The following PTPRT variants were observed in gnomAD, a reference collection of about 807,000 sequenced individuals.
PTPRT encodes the protein protein tyrosine phosphatase receptor type T, also known as receptor-type tyrosine-protein phosphatase T.
A neutral mutation model predicts 176.8 loss-of-function variants in PTPRT; 56 were observed. The observed-to-expected ratio is 0.32, with a 90% confidence interval of 0.26 to 0.40. The LOEUF (loss-of-function observed/expected upper bound fraction) is 0.40. Among genes scored for constraint, PTPRT ranks in the 10% least tolerant of loss-of-function variants. The pLI is 1.00. For synonymous variants in PTPRT, 783 were observed against 739.0 expected, an observed-to-expected ratio of 1.06 and a Z score of -0.96; for missense variants, 1,540 against 1,908.2, an observed-to-expected ratio of 0.81 and a Z score of 3.60.
At chr20:42,353,610 C>T (rs774394641) in intron 9 of PTPRT, among the ~76,000 whole-genome samples, 2 of 152,194 alleles carry the variant, frequency 1.3e-5, no homozygotes, top group African/African-American at 2.4e-5. Flanking sequence ...TCAACTTCTG[C>T]ACTTGCCCAA....
intron 1 of PTPRT, among the ~76,000 whole-genome samples, chr20:42,956,169 A>G (rs1981621090): frequency 6.6e-6 from 1 of 152,138 alleles, no homozygotes; most frequent in Non-Finnish European, 1.5e-5. Flanking sequence ...GGTTTTTCCA[A>G]GCATTGTCTG....
At chr20:42,528,875 C>T (rs1469942860) in intron 7 of PTPRT, among the ~76,000 whole-genome samples, 3 of 152,202 alleles carry the variant, frequency 2.0e-5, no homozygotes, top group Non-Finnish European at 4.4e-5. Context: ...GGGATAGTTT[C>T]ATTTTTAAAA....
At chr20:42,828,236 G>T (rs1470599418) in intron 2 of PTPRT, among the ~76,000 whole-genome samples, 1 of 152,186 alleles carries the variant, frequency 6.6e-6, no homozygotes, top group Non-Finnish European at 1.5e-5. Context: ...CGTGACTTTT[G>T]TTATGCTTTA....
intron 7 of PTPRT, among the ~76,000 whole-genome samples, chr20:42,553,967 G>C (rs199506059): frequency 6.6e-6 from 1 of 152,106 alleles, no homozygotes; most frequent in East Asian, 1.9e-4. Context: ...TTCTGGCAGG[G>C]ACAGCAGAGT....
chr20:42,885,395 T>G (rs2079086248), intron 2 of PTPRT, among the ~76,000 whole-genome samples: 2 of 149,222 alleles, frequency 1.3e-5, no homozygotes, highest in South Asian at 4.2e-4. Flanking sequence ...AATAATATAA[T>G]TAATATAACC....
At chr20:42,713,953 C>A (rs375919765) in intron 6 of PTPRT, among the ~76,000 whole-genome samples, 24 of 152,302 alleles carry the variant, frequency 1.6e-4, no homozygotes, top group African/African-American at 5.8e-4. Flanking sequence ...TCCTGTATAA[C>A]CTGCAGAACC....
At chr20:43,073,801 G>A (rs1328186408) in intron 1 of PTPRT, among the ~76,000 whole-genome samples, 1 of 151,978 alleles carries the variant, frequency 6.6e-6, no homozygotes, top group African/African-American at 2.4e-5. Context: ...TGCCTACGCT[G>A]GAGTGCATGG....
intron 7 of PTPRT, among the ~76,000 whole-genome samples, chr20:42,543,594 C>T (rs1007904036): frequency 6.6e-6 from 1 of 151,948 alleles, no homozygotes; most frequent in African/African-American, 2.4e-5. Flanking sequence ...AATATCTTGA[C>T]ATTCTCATGA....
chr20:42,196,788 G>A (rs1991234443), intron 16 of PTPRT, among the ~76,000 whole-genome samples: 1 of 152,258 alleles, frequency 6.6e-6, no homozygotes, highest in Admixed American at 6.5e-5. Flanking sequence ...TAGGCAAACC[G>A]CAAATTTGCT....
intron 2 of PTPRT, among the ~76,000 whole-genome samples, chr20:42,796,724 G>T (rs1305221159): frequency 1.3e-5 from 2 of 152,176 alleles, no homozygotes; most frequent in Non-Finnish European, 2.9e-5. Flanking sequence ...CACACACGTT[G>T]GGCATTCCCA....
At chr20:42,315,585 T>A (rs2145374513) in intron 12 of PTPRT, 138 bp downstream of exon 12, 1 of 997,912 alleles carries the variant, frequency 1.0e-6, no homozygotes, top group East Asian at 2.6e-5. Context: ...ATTATTTTTT[T>A]AATTTAAAGG....
At chr20:42,545,043 T>TA (rs1221520106) in intron 7 of PTPRT, among the ~76,000 whole-genome samples, 2 of 152,146 alleles carry the variant, frequency 1.3e-5, no homozygotes, top group African/African-American at 4.8e-5. Context: ...TGAAGGAACA[T>TA]ACGGCCAGAC....
the PTPRT span, among the ~76,000 whole-genome samples, chr20:42,050,213 T>A: frequency 6.6e-6 from 1 of 152,212 alleles, no homozygotes; most frequent in Non-Finnish European, 1.5e-5. Flanking sequence ...CTCCGTAGGA[T>A]GCAGTTTCCT....
At chr20:42,043,144 C>G in the PTPRT span, among the ~76,000 whole-genome samples, 1 of 152,354 alleles carries the variant, frequency 6.6e-6, no homozygotes, top group Admixed American at 6.5e-5. Flanking sequence ...ACTTGCATCA[C>G]CTGGGGAATG....
intron 7 of PTPRT, among the ~76,000 whole-genome samples, chr20:42,648,817 GTTGTT>G (rs949599276): frequency 1.8e-5 from 2 of 109,894 alleles, no homozygotes; most frequent in South Asian, 2.8e-4. Context: ...TTTTGGTGTC[GTTGTT>G]TTTTTTTTTT....
intron 1 of PTPRT, among the ~76,000 whole-genome samples, chr20:43,105,861 C>T (rs570705900): frequency 1.3e-5 from 2 of 152,234 alleles, no homozygotes; most frequent in Admixed American, 1.3e-4. Context: ...TCCTTTGACT[C>T]TTGGTGGGAG....
At chr20:42,471,360 C>T (rs1210152768) in intron 8 of PTPRT, among the ~76,000 whole-genome samples, 2 of 152,120 alleles carry the variant, frequency 1.3e-5, no homozygotes, top group East Asian at 3.9e-4. Context: ...GTGATTGGAT[C>T]ATGGAAGTGG....
At chr20:42,717,260 A>G (rs2146217496) in intron 6 of PTPRT, among the ~76,000 whole-genome samples, 1 of 149,688 alleles carries the variant, frequency 6.7e-6, no homozygotes, top group South Asian at 2.1e-4. Context: ...CTTGTCATAA[A>G]GCTATAACAA....
At chr20:42,128,893 CT>C in intron 18 of PTPRT, 63 bp from the exon 19 acceptor site, 1 of 1,359,606 alleles carries the variant, frequency 7.4e-7, no homozygotes, top group South Asian at 1.4e-5. Flanking sequence ...TAATGTCCTC[CT>C]TTAGAACTAC....
Sources: allele counts gnomAD v4.1 joint callset (sites outside exome capture counted in the v4.1 genomes callset), GRCh38; gene constraint gnomAD v4.1.1; transcripts MANE v1.5; gene names NCBI Gene and HGNC (gene_info 2026-07-23, HGNC 2026-07-21).